Variants in MOB3B observed in about 807,000 individuals in gnomAD.
The protein encoded by MOB3B is MOB kinase activator-like 2B.
MOB3B carries 7 observed loss-of-function variants against 18.7 expected under a neutral mutation model. That is an observed-to-expected ratio of 0.37 (90% CI 0.21 to 0.70). MOB3B has a LOEUF of 0.70. Among genes scored for constraint, MOB3B ranks in the 30% least tolerant of loss-of-function variants. The pLI, the probability that MOB3B is intolerant of heterozygous loss-of-function variation, is 0.52. For missense variants in MOB3B, 253 were observed against 281.3 expected (o/e 0.90, Z 0.72); for synonymous variants, 111 against 99.9 (o/e 1.11, Z -0.66).
intron 1 of MOB3B, among the ~76,000 whole-genome samples, chr9:27,515,194 CTG>C (rs1408101281): frequency 6.6e-6 from 1 of 152,182 alleles, no homozygotes; most frequent in African/African-American, 2.4e-5. Flanking sequence ...TGCTTTTTTA[CTG>C]TTGTTTTCCC....
intron 3 of MOB3B, among the ~76,000 whole-genome samples, chr9:27,344,287 A>G (rs772816903): frequency 3.9e-5 from 6 of 152,214 alleles, no homozygotes; most frequent in Non-Finnish European, 7.3e-5. Flanking sequence ...TTGTGTGTGT[A>G]ATGTGTCTCC....
Position 27,455,119 on chromosome 9 carries a change from G to C in MOB3B, c.418+14C>G. The C allele has an allele frequency of 6.2e-7, 1 of 1,613,856 alleles. No individual in the cohort carries two copies. The highest frequency in any genetic ancestry group is 1.3e-5 in the African/African-American group (1 of 75,026). On this transcript the variant is annotated intron_variant, in intron 2 of 3. Transcript: ENST00000262244. ...GCAGGTGACAAAAAAACTGAGAGCT[G>C]GTAATGAACTTACCCACGCATGTTG...
At chr9:27,412,858 T>C (rs1822091747) in intron 2 of MOB3B, among the ~76,000 whole-genome samples, 1 of 152,198 alleles carries the variant, frequency 6.6e-6, no homozygotes, top group South Asian at 2.1e-4. Flanking sequence ...TTTACTCACA[T>C]CTCCACTGGT....
At chr9:27,387,425 G>A (rs1251228887) in intron 2 of MOB3B, among the ~76,000 whole-genome samples, 1 of 152,158 alleles carries the variant, frequency 6.6e-6, no homozygotes, top group Non-Finnish European at 1.5e-5. Flanking sequence ...GTAAGCTTGG[G>A]TAGGTCACTG....
chr9:27,426,844 C>A (rs1822341536), intron 2 of MOB3B, among the ~76,000 whole-genome samples: 1 of 152,160 alleles, frequency 6.6e-6, no homozygotes, highest in South Asian at 2.1e-4. Context: ...CCCACCTCCA[C>A]CCCCATGTGC....
chr9:27,375,452 G>T (rs1227278072), intron 2 of MOB3B, among the ~76,000 whole-genome samples: 2 of 152,168 alleles, frequency 1.3e-5, no homozygotes, highest in Non-Finnish European at 2.9e-5. Context: ...TTCATAGGTG[G>T]TCCTTGAGTT....
chr9:27,337,851 G>C (rs1820886169), intron 3 of MOB3B, among the ~76,000 whole-genome samples: 1 of 152,178 alleles, frequency 6.6e-6, no homozygotes, highest in Non-Finnish European at 1.5e-5. Context: ...AGAGGCAGTG[G>C]TATTGTGGTA....
chr9:27,467,190 ACTGAAAAGAGGT>A (rs1395653655), intron 1 of MOB3B, among the ~76,000 whole-genome samples: 2 of 152,196 alleles, frequency 1.3e-5, no homozygotes, highest in Non-Finnish European at 2.9e-5. Flanking sequence ...CTCCTCAAAG[ACTGAAAAGAGGT>A]CTACCTTTAG....
chr9:27,487,539 C>T (rs1819748456), intron 1 of MOB3B, among the ~76,000 whole-genome samples: 1 of 152,050 alleles, frequency 6.6e-6, no homozygotes, highest in Non-Finnish European at 1.5e-5. Flanking sequence ...ACCTGGGGGG[C>T]CAGGGAGAAC....
chr9:27,390,861 TA>T (rs796371044), intron 2 of MOB3B, among the ~76,000 whole-genome samples: 4 of 152,252 alleles, frequency 2.6e-5, no homozygotes, highest in African/African-American at 9.6e-5. Flanking sequence ...ATTACCCTTA[TA>T]AAAGCCTTAA....
At chr9:27,403,516 ATTTTTTTTT>A (rs74178385) in intron 2 of MOB3B, among the ~76,000 whole-genome samples, 15 of 79,630 alleles carry the variant, frequency 1.9e-4, no homozygotes, top group East Asian at 4.1e-4. Flanking sequence ...CTCTTTACTA[ATTTTTTTTT>A]TTTTTTTTTT....
intron 3 of MOB3B, among the ~76,000 whole-genome samples, chr9:27,357,136 A>G (rs763680973): frequency 1.2e-5 from 1 of 85,516 alleles, no homozygotes; most frequent in Non-Finnish European, 2.3e-5. Context: ...ATATATATAT[A>G]TATATATATG....
chr9:27,509,462 G>A (rs541750664), intron 1 of MOB3B, among the ~76,000 whole-genome samples: 2 of 152,082 alleles, frequency 1.3e-5, no homozygotes, highest in East Asian at 3.9e-4. Flanking sequence ...TGTTGCCCAG[G>A]CTTGAGGGCA....
intron 3 of MOB3B, among the ~76,000 whole-genome samples, chr9:27,350,772 A>G (rs1384568093): frequency 1.3e-5 from 2 of 151,942 alleles, no homozygotes; most frequent in African/African-American, 4.8e-5. Context: ...CTGAACAACC[A>G]CCAACAGCCG....
intron 2 of MOB3B, among the ~76,000 whole-genome samples, chr9:27,441,908 A>G (rs1822600165): frequency 2.0e-5 from 3 of 152,082 alleles, no homozygotes; most frequent in East Asian, 1.9e-4. Flanking sequence ...CTTTCCAACC[A>G]CATACTCATG....
chr9:27,336,447 A>C (rs960319059), intron 3 of MOB3B, among the ~76,000 whole-genome samples: 9 of 152,200 alleles, frequency 5.9e-5, no homozygotes, highest in Non-Finnish European at 1.2e-4. Flanking sequence ...CTTGAAACAA[A>C]AAATAATCAA....
At chr9:27,332,986 G>T (rs1276375871) in intron 3 of MOB3B, among the ~76,000 whole-genome samples, 1 of 152,224 alleles carries the variant, frequency 6.6e-6, no homozygotes, top group Non-Finnish European at 1.5e-5. Flanking sequence ...AGTCATTCAT[G>T]AATTTTCAAA....
chr9:27,395,246 A>C (rs556902598), intron 2 of MOB3B, among the ~76,000 whole-genome samples: 1 of 152,200 alleles, frequency 6.6e-6, no homozygotes, highest in South Asian at 2.1e-4. Flanking sequence ...TGTGTTGCAT[A>C]TAGTTAATGC....
chr9:27,355,058 G>T (rs550954343), intron 3 of MOB3B, among the ~76,000 whole-genome samples: 2 of 152,174 alleles, frequency 1.3e-5, no homozygotes, highest in African/African-American at 4.8e-5. Context: ...AAGTTTGCAC[G>T]TTAGTAAATG....
Sources: allele counts gnomAD v4.1 joint callset (sites outside exome capture counted in the v4.1 genomes callset), GRCh38; gene constraint gnomAD v4.1.1; transcripts MANE v1.5; gene names NCBI Gene and HGNC (gene_info 2026-07-23, HGNC 2026-07-21).